FAM118A: variants seen among roughly 807,000 people sequenced by gnomAD.
The protein encoded by FAM118A is SIR2 antiphage like 2.
FAM118A carries 25 observed loss-of-function variants against 38.2 expected under a neutral mutation model. The observed-to-expected ratio is 0.65, with a 90% confidence interval of 0.48 to 0.91. The LOEUF (loss-of-function observed/expected upper bound fraction) is 0.91, where lower values mean the gene tolerates loss of function less well. Ranked by LOEUF, FAM118A falls within the 40% of genes least tolerant of loss-of-function variation. The pLI, the probability that FAM118A is intolerant of heterozygous loss-of-function variation, is 0.00. For synonymous variants in FAM118A, 178 were observed against 184.1 expected (o/e 0.97, Z 0.27); for missense variants, 425 against 463.3 (o/e 0.92, Z 0.76).
chr22:45,317,543 G>T (rs573492207), intron 1 of FAM118A, among the ~76,000 whole-genome samples: 1 of 152,308 alleles, frequency 6.6e-6, no homozygotes, highest in South Asian at 2.1e-4. Flanking sequence ...TACAGTTCTT[G>T]ACACACATTC....
chr22:45,333,351 C>G (rs759871981), intron 6 of FAM118A, among the ~76,000 whole-genome samples: 1 of 150,462 alleles, frequency 6.6e-6, no homozygotes, highest in Non-Finnish European at 1.5e-5. Flanking sequence ...CATAGGGAGA[C>G]CTGGTCTCTA....
chr22:45,328,735 A>G, intron 4 of FAM118A: 3 of 503,188 alleles, frequency 6.0e-6, no homozygotes, highest in Non-Finnish European at 1.1e-5. Flanking sequence ...GTGAGCTGAG[A>G]TCACTGTACT....
chr22:45,318,634 A>G (rs1247954480), intron 1 of FAM118A: 6 of 152,204 alleles, frequency 3.9e-5, no homozygotes, highest in Non-Finnish European at 7.3e-5. Flanking sequence ...GTAAAACAGG[A>G]AATGAGGTAA....
chr22:45,325,407 G>T (rs1481775379), intron 3 of FAM118A, among the ~76,000 whole-genome samples: 1 of 152,156 alleles, frequency 6.6e-6, no homozygotes, highest in African/African-American at 2.4e-5. Flanking sequence ...GAAGGGTGAG[G>T]GGCTTGCAAG....
intron 8 of FAM118A, among the ~76,000 whole-genome samples, chr22:45,339,808 C>T (rs1232390414): frequency 1.3e-5 from 2 of 152,334 alleles, no homozygotes; most frequent in African/African-American, 4.8e-5. Context: ...GTGCACATCG[C>T]GGGTAGGGCC....
chr22:45,308,991 C>T (rs1197992949), upstream of FAM118A: 1 of 152,236 alleles, frequency 6.6e-6, no homozygotes, highest in Non-Finnish European at 1.5e-5. Context: ...TAAAAGACTT[C>T]AGTGGCAGAC....
intron 4 of FAM118A, chr22:45,330,353 A>G: frequency 4.0e-6 from 1 of 249,808 alleles, no homozygotes; most frequent in Non-Finnish European, 7.6e-6. Flanking sequence ...TGGGACCAGC[A>G]TGACTGGCGC....
rs574933328 is a variant in FAM118A, at chr22:45,330,812, C to A, written c.651+81C>A. The stretch of plus-strand genomic sequence containing the variant: ...CTGGCCATTGGCTGCAGTTGAGTGG[C>A]TTCCCAGGCTCCAGGCGTCCGTGCC... On this transcript the variant is annotated intron_variant, in intron 5 of 8. Coordinates refer to ENST00000441876, the MANE Select transcript of FAM118A (RefSeq NM_017911.4). 11 of 1,397,728 alleles carry A rather than the reference C, an allele frequency of 7.9e-6. No individual in the cohort carries two copies. In the South Asian group the frequency reaches 1.8e-4, roughly 23 times the overall value. The allele number at this position is 1,397,728 out of a possible 1,614,324, so 86.6% of individuals were successfully genotyped here.
intron 4 of FAM118A, chr22:45,328,570 T>C: frequency 1.5e-6 from 1 of 685,816 alleles, no homozygotes. Flanking sequence ...AGTTCCAGAC[T>C]GAAATGAGCT....
intron 1 of FAM118A, among the ~76,000 whole-genome samples, chr22:45,315,331 A>C (rs528860093): frequency 6.6e-6 from 1 of 152,316 alleles, no homozygotes; most frequent in African/African-American, 2.4e-5. Context: ...AGTGCGTTCA[A>C]ATTAAGGGTT....
chr22:45,327,396 C>T (rs1274891365), intron 3 of FAM118A, among the ~76,000 whole-genome samples: 1 of 152,112 alleles, frequency 6.6e-6, no homozygotes, highest in African/African-American at 2.4e-5. Flanking sequence ...CCCAGGTCAT[C>T]TGCTTCTGCT....
intron 1 of FAM118A, among the ~76,000 whole-genome samples, chr22:45,316,646 A>G (rs1601883695): frequency 6.6e-6 from 1 of 152,174 alleles, no homozygotes; most frequent in African/African-American, 2.4e-5. Context: ...CCCTGGCTAC[A>G]CTGATTAAAT....
chr22:45,319,426 C>G (rs2084753610), intron 1 of FAM118A, among the ~76,000 whole-genome samples: 1 of 152,168 alleles, frequency 6.6e-6, no homozygotes, highest in South Asian at 2.1e-4. Flanking sequence ...TAGGATTGAA[C>G]AGGAGTGGCT....
In FAM118A at chr22:45,320,817, C is replaced by T. The variant is rs1028057988; in HGVS notation, c.-9-1554C>T. On this transcript the variant is annotated intron_variant, in intron 1 of 8. Coordinates refer to ENST00000441876, the MANE Select transcript of FAM118A (RefSeq NM_017911.4). ...TTCTGCTGACCACTTTTCTGGAAAG[C>T]GGTTTGGTGGTGTGTGCTAAGATAT... Among the ~76,000 whole-genome samples the T allele has an allele frequency of 9.9e-5, 15 of 152,270 alleles. 1 individual carries two copies. The highest frequency in any genetic ancestry group is 1.5e-4 in the Non-Finnish European group (10 of 68,032).
intron 1 of FAM118A, among the ~76,000 whole-genome samples, chr22:45,310,579 C>A (rs915848883): frequency 6.6e-6 from 1 of 152,146 alleles, no homozygotes; most frequent in African/African-American, 2.4e-5. Context: ...TGCCGCCCAC[C>A]CTGAGGCTCC....
At chr22:45,313,175 A>G (rs1365076289) in intron 1 of FAM118A, among the ~76,000 whole-genome samples, 3 of 152,128 alleles carry the variant, frequency 2.0e-5, no homozygotes, top group Non-Finnish European at 4.4e-5. Flanking sequence ...GACCAAGTAG[A>G]GATTTCAACA....
chr22:45,327,719 G>A (rs1407121423), intron 3 of FAM118A, 123 bp from the exon 4 acceptor site: 8 of 987,192 alleles, frequency 8.1e-6, no homozygotes, highest in Non-Finnish European at 1.1e-5. Context: ...GGCGCACGCT[G>A]TGAAGCCAGA....
intron 1 of FAM118A, among the ~76,000 whole-genome samples, chr22:45,317,335 C>T (rs1024432445): frequency 2.6e-5 from 4 of 152,158 alleles, no homozygotes; most frequent in African/African-American, 7.2e-5. Flanking sequence ...GCCGAGATTG[C>T]GCCATTGCAC....
At chr22:45,315,565 C>T (rs574109016) in intron 1 of FAM118A, among the ~76,000 whole-genome samples, 6 of 152,256 alleles carry the variant, frequency 3.9e-5, no homozygotes, top group Admixed American at 6.5e-5. Context: ...GCAGCAGCCC[C>T]GTCGGTGATG....
Sources: allele counts gnomAD v4.1 joint callset (sites outside exome capture counted in the v4.1 genomes callset), GRCh38; gene constraint gnomAD v4.1.1; transcripts MANE v1.5; gene names NCBI Gene and HGNC (gene_info 2026-07-23, HGNC 2026-07-21).